ZSCAN25: variants seen among roughly 807,000 people sequenced by gnomAD.
The protein encoded by ZSCAN25 is zinc finger and SCAN domain containing 25.
Under a neutral mutation model 38.7 loss-of-function variants are expected in ZSCAN25, and 27 were observed. The observed-to-expected ratio is 0.70, with a 90% CI of 0.51 to 0.96. ZSCAN25 has a LOEUF of 0.96. Ranked by LOEUF, ZSCAN25 falls within the 40% of genes least tolerant of loss-of-function variation. The probability of loss-of-function intolerance (pLI) is 0.00; values close to 1 mark genes in which losing one functional copy is unlikely to be tolerated. For missense variants in ZSCAN25, 637 were observed against 705.9 expected, an observed-to-expected ratio of 0.90 and a Z score of 1.11; for synonymous variants, 273 against 277.7, an observed-to-expected ratio of 0.98 and a Z score of 0.17.
the ZSCAN25 span, among the ~76,000 whole-genome samples, chr7:99,699,506 C>T: frequency 3.5e-4 from 53 of 152,224 alleles, no homozygotes; most frequent in Non-Finnish European, 5.9e-4. Context: ...GGAAAAACTT[C>T]TACACATCTC....
chr7:99,671,702 C>A, the ZSCAN25 span: 2 of 638,072 alleles, frequency 3.1e-6, no homozygotes, highest in Admixed American at 2.6e-5. Context: ...ACCAAAAGAA[C>A]AATCCATAAA....
chr7:99,709,788 G>GTGTGTATA, the ZSCAN25 span, among the ~76,000 whole-genome samples: 1 of 150,228 alleles, frequency 6.7e-6, no homozygotes, highest in East Asian at 1.9e-4. Flanking sequence ...GTGTGTGTGT[G>GTGTGTATA]TATATATATA....
At chr7:99,693,128 T>C in the ZSCAN25 span, among the ~76,000 whole-genome samples, 1 of 152,180 alleles carries the variant, frequency 6.6e-6, no homozygotes, top group Non-Finnish European at 1.5e-5. Flanking sequence ...TGTCTGTTAG[T>C]TTTTCTTCTA....
At chr7:99,632,994 T>TTTTTTTTTTTTTTTTTG (rs1212955696), downstream of ZSCAN25, among the ~76,000 whole-genome samples, 2 of 150,454 alleles carry the variant, frequency 1.3e-5, no homozygotes, top group African/African-American at 4.9e-5. Flanking sequence ...CTGTTGTTTT[T>TTTTTTTTTTTTTTTTTG]TTTTTTTTTG....
At chr7:99,680,157 C>T in the ZSCAN25 span, 1 of 446,164 alleles carries the variant, frequency 2.2e-6, no homozygotes, top group Non-Finnish European at 4.1e-6. Flanking sequence ...ATCGGGGAGT[C>T]CAAGGGTTCT....
chr7:99,705,454 T>TG, the ZSCAN25 span: 1 of 1,600,172 alleles, frequency 6.2e-7, no homozygotes, highest in Non-Finnish European at 8.6e-7. Flanking sequence ...TCTGGTGTTC[T>TG]GGGGCACAGC....
Position 99,632,017 on chromosome 7 carries a change from G to C in ZSCAN25, c.*1997G>C. The stretch of plus-strand genomic sequence containing the variant: ...GGTTTTCCAAAGGCAGGTGGGGACT[G>C]GGGAGGCCTCGGGGGGCTGCTTGTC... On this transcript the variant is annotated 3_prime_UTR_variant, in exon 8 of 8. Coordinates refer to ENST00000394152, the MANE Select transcript of ZSCAN25 (RefSeq NM_145115.3). 1.0e-6 allele frequency: 1 copy of C among 985,492 alleles called. No individual in the cohort carries two copies. Among genetic ancestry groups the C allele is most frequent in the Non-Finnish European group, 1.2e-6 (1 of 829,972 alleles). The allele number at this position is 985,492 out of a possible 1,614,324, so 61.0% of individuals were successfully genotyped here. A position where few individuals can be genotyped will look rare whatever the true frequency, so the allele number is the denominator to read the frequency against.
At chr7:99,650,817 C>T in the ZSCAN25 span, among the ~76,000 whole-genome samples, 1 of 152,082 alleles carries the variant, frequency 6.6e-6, no homozygotes, top group African/African-American at 2.4e-5. Flanking sequence ...CCCCCACACC[C>T]TTACAGGATA....
At chr7:99,693,492 C>A in the ZSCAN25 span, among the ~76,000 whole-genome samples, 3 of 152,248 alleles carry the variant, frequency 2.0e-5, no homozygotes, top group African/African-American at 7.2e-5. Context: ...TTGTTCTACT[C>A]TGCCCTGCCC....
chr7:99,656,069 A>T, the ZSCAN25 span, among the ~76,000 whole-genome samples: 5 of 152,100 alleles, frequency 3.3e-5, no homozygotes, highest in African/African-American at 1.2e-4. Context: ...AATACCCTTT[A>T]TTTCTTTCTC....
At chr7:99,733,562 T>A in the ZSCAN25 span, among the ~76,000 whole-genome samples, 1 of 152,232 alleles carries the variant, frequency 6.6e-6, no homozygotes, top group African/African-American at 2.4e-5. Context: ...TCTGCCTGAC[T>A]GCCAGAATCT....
chr7:99,721,751 G>A, the ZSCAN25 span, among the ~76,000 whole-genome samples: 2 of 152,108 alleles, frequency 1.3e-5, no homozygotes, highest in African/African-American at 4.8e-5. Context: ...ACGTGTGTGT[G>A]TGTGTGTCAG....
At chr7:99,636,826 C>T (rs1012508224), downstream of ZSCAN25, among the ~76,000 whole-genome samples, 10 of 152,194 alleles carry the variant, frequency 6.6e-5, no homozygotes, top group African/African-American at 7.2e-5. Flanking sequence ...ATATCATCAG[C>T]GAGCACACTG....
chr7:99,688,791 A>G, the ZSCAN25 span, among the ~76,000 whole-genome samples: 1 of 152,240 alleles, frequency 6.6e-6, no homozygotes, highest in African/African-American at 2.4e-5. Flanking sequence ...AGCAAATGTA[A>G]AAGAACAGAA....
the ZSCAN25 span, chr7:99,685,329 T>C: frequency 2.0e-6 from 3 of 1,507,226 alleles, no homozygotes; most frequent in African/African-American, 4.1e-5. Flanking sequence ...TTGCTGACTA[T>C]GCACATAGTT....
At chr7:99,653,928 G>C in the ZSCAN25 span, among the ~76,000 whole-genome samples, 1 of 152,204 alleles carries the variant, frequency 6.6e-6, no homozygotes, top group Non-Finnish European at 1.5e-5. The surrounding 1 kb of genome is among the most constrained non-coding windows in gnomAD (Gnocchi z 4.2). Flanking sequence ...CATGAGACAG[G>C]TGTGGGGAGA....
the ZSCAN25 span, among the ~76,000 whole-genome samples, chr7:99,653,981 A>C: frequency 1.3e-5 from 2 of 152,222 alleles, no homozygotes; most frequent in African/African-American, 2.4e-5. The surrounding 1 kb of genome is among the most constrained non-coding windows in gnomAD (Gnocchi z 4.2). Context: ...AGGCTACCTC[A>C]GACCATAGCC....
At chr7:99,628,353 CT>C (rs1244273651) in intron 7 of ZSCAN25, among the ~76,000 whole-genome samples, 1 of 152,116 alleles carries the variant, frequency 6.6e-6, no homozygotes, top group African/African-American at 2.4e-5. Flanking sequence ...TTCTCCTTTT[CT>C]TTTTTTCTCT....
At chr7:99,710,760 T>G in the ZSCAN25 span, 1 of 1,613,950 alleles carries the variant, frequency 6.2e-7, no homozygotes, top group Non-Finnish European at 8.5e-7. Context: ...ATCAATTTCC[T>G]TCTGCACTTT....
Sources: allele counts gnomAD v4.1 joint callset (sites outside exome capture counted in the v4.1 genomes callset), GRCh38; gene constraint gnomAD v4.1.1; non-coding constraint Gnocchi (gnomAD v3.1); transcripts MANE v1.5; gene names NCBI Gene and HGNC (gene_info 2026-07-23, HGNC 2026-07-21).